PPP2R1A: variants seen among roughly 807,000 people sequenced by gnomAD.
The protein encoded by PPP2R1A is serine/threonine-protein phosphatase 2A 65 kDa regulatory subunit A alpha isoform.
A neutral mutation model predicts 67.1 loss-of-function variants in PPP2R1A; 15 were observed. That is an observed-to-expected ratio of 0.22 (90% CI 0.15 to 0.34). PPP2R1A has a LOEUF of 0.34. Among genes scored for constraint, PPP2R1A ranks in the 10% least tolerant of loss-of-function variants. PPP2R1A has a pLI of 1.00. For missense variants in PPP2R1A, 369 were observed against 775.0 expected (o/e 0.48, Z 6.22); for synonymous variants, 337 against 325.0 (o/e 1.04, Z -0.40).
rs2122352279 is a variant in PPP2R1A at position 52,216,966 on chromosome 19, G to A, written c.1128+303G>A. Among the ~76,000 whole-genome samples, 1 of 152,232 alleles carries A rather than the reference G, an allele frequency of 6.6e-6. No homozygotes were observed. On this transcript the variant is annotated intron_variant, in intron 9 of 14. Coordinates refer to ENST00000322088, the MANE Select transcript of PPP2R1A (RefSeq NM_014225.6). This position sits in a 1 kb window ranked among gnomAD's most constrained non-coding sequence, Gnocchi z 4.3. ...GCACTTTGGGAGGCTGAGGCGGGTG[G>A]ATCACCTGAGGTCAGGAGTTCGAGA...
Position 52,211,177 on chromosome 19 carries a change from C to A in PPP2R1A, c.271-83C>A. 1.5e-6 allele frequency: 2 copies of A among 1,325,818 alleles called. No individual in the cohort carries two copies. The highest frequency in any genetic ancestry group is 2.1e-6 in the Non-Finnish European group (2 of 951,228). The allele number at this position is 1,325,818 out of a possible 1,614,324, so 82.1% of individuals were successfully genotyped here. ...GGGAAGTTTTCTCTGAGGAGATGAG[C>A]CCATGATGGGGTGCAGGATGGGGCT... is the stretch of plus-strand genomic sequence containing the variant. On this transcript the variant is annotated intron_variant, in intron 3 of 14. Transcript: ENST00000322088. The surrounding 1 kb of genome is among the most constrained non-coding windows in gnomAD (Gnocchi z 5.3).
rs1468772394 is a variant in PPP2R1A at position 52,213,794 on chromosome 19, TTTAA to T, written c.807+689_807+692del. On this transcript the variant is annotated intron_variant, in intron 6 of 14. Transcript: ENST00000322088. The surrounding 1 kb of genome is among the most constrained non-coding windows in gnomAD (Gnocchi z 4.2). ...AGCCACCGCGCCCAGCCCCGGAAAGTTTAATTAACTGATCAGAGTGACACTACCA... is the reference window on the plus strand; with the variant it reads ...AGCCACCGCGCCCAGCCCCGGAAAGTTTAACTGATCAGAGTGACACTACCA... Among the ~76,000 whole-genome samples the T allele has an allele frequency of 6.6e-6, 1 of 151,934 alleles. No homozygotes were observed. The highest frequency in any genetic ancestry group is 1.5e-5 in the Non-Finnish European group (1 of 67,980).
At position 52,190,193 on chromosome 19, in the gene PPP2R1A, A is replaced by T. The variant is rs1352000967; in HGVS notation, c.78+19A>T. On this transcript the variant is annotated intron_variant, in intron 1 of 14. Transcript: ENST00000322088. ...CGTTCAGGTCCGGAGGCTACGGGGG[A>T]CTTGGGGAAGACGCGGAGGGGTACC... The T allele has an allele frequency of 1.4e-5, 21 of 1,549,072 alleles. No individual in the cohort carries two copies. Among genetic ancestry groups the T allele is most frequent in the Non-Finnish European group, 1.7e-5 (20 of 1,145,910 alleles).
rs749799092 is a variant in PPP2R1A at position 52,216,122 on chromosome 19, A to G, written c.993+48A>G. 1.9e-6 allele frequency: 3 copies of G among 1,570,606 alleles called. No homozygotes were observed. The South Asian group carries it at 3.3e-5, about 17-fold the overall frequency. The stretch of plus-strand genomic sequence containing the variant: ...GAACCAAGTGGATCCGAGCCTGCCA[A>G]AAAGAGGGGCTGGAGACAAGGCTTT... On this transcript the variant is annotated intron_variant, in intron 8 of 14. Coordinates refer to ENST00000322088, the MANE Select transcript of PPP2R1A (RefSeq NM_014225.6). This position sits in a 1 kb window ranked among gnomAD's most constrained non-coding sequence, Gnocchi z 4.3.
intron 13 of PPP2R1A, among the ~76,000 whole-genome samples, chr19:52,225,333 T>A (rs986455651): frequency 6.6e-6 from 1 of 152,142 alleles, no homozygotes; most frequent in Non-Finnish European, 1.5e-5. Context: ...GATTTTACTT[T>A]TAATTGACTC....
Position 52,213,932 on chromosome 19 carries a change from T to C in PPP2R1A, c.807+822T>C, listed in dbSNP as rs933351987. On this transcript the variant is annotated intron_variant, in intron 6 of 14. Coordinates refer to ENST00000322088, the MANE Select transcript of PPP2R1A (RefSeq NM_014225.6). The surrounding 1 kb of genome is among the most constrained non-coding windows in gnomAD (Gnocchi z 4.2). ...ACAAACATGTTTGCTGAGCACCAGC[T>C]ATTTGCTGGGCCAGTGAATTCGGAT... 9.2e-5 allele frequency among the ~76,000 whole-genome samples: 14 copies of C among 152,212 alleles called. No homozygotes were observed. Among genetic ancestry groups the C allele is most frequent in the Middle Eastern group, 6.8e-3 (2 of 294 alleles).
intron 6 of PPP2R1A, among the ~76,000 whole-genome samples, chr19:52,215,564 G>A (rs572234260): frequency 2.0e-3 from 311 of 152,256 alleles, no homozygotes; most frequent in Non-Finnish European, 3.8e-3. Flanking sequence ...AGGTGCCCTC[G>A]CAGTCCTCAT....
chr19:52,213,475 TTTTTTTTTTTTTA>T lies in PPP2R1A; in HGVS notation c.807+366_807+378del, dbSNP rs1388352148. Among the ~76,000 whole-genome samples, 24 of 120,466 alleles carry T rather than the reference TTTTTTTTTTTTTA, an allele frequency of 2.0e-4. No homozygotes were observed. The highest frequency in any genetic ancestry group is 2.9e-4 in the African/African-American group (8 of 27,208). The allele number at this position is 120,466 out of a possible 152,430, so 79.0% of individuals were successfully genotyped here. ...TTTTGGTGTTTTTTTTTTTTTTTTT[TTTTTTTTTTTTTA>T]AGATGGAGTCTGTCGCCCAGGCTAG... On this transcript the variant is annotated intron_variant, in intron 6 of 14. Transcript: ENST00000322088. This position sits in a 1 kb window ranked among gnomAD's most constrained non-coding sequence, Gnocchi z 4.2.
rs8100816 is a variant in PPP2R1A at position 52,220,963 on chromosome 19, C to A, written c.1364-16C>A. 7 of 1,613,652 alleles carry A rather than the reference C, an allele frequency of 4.3e-6. No homozygotes were observed. The African/African-American group carries it at 8.0e-5, about 18-fold the overall frequency. Reference sequence around the variant, plus strand: ...ACCTCCAAATCCCTGTCTCTCTCACCCTCACCCTTCTGCAGTATATGCCAT... The same window carrying A: ...ACCTCCAAATCCCTGTCTCTCTCACACTCACCCTTCTGCAGTATATGCCAT... On this transcript the variant is annotated splice_polypyrimidine_tract_variant and intron_variant, in intron 11 of 14. Transcript: ENST00000322088.
chr19:52,198,841 C>G (rs866637885), intron 1 of PPP2R1A, among the ~76,000 whole-genome samples: 1 of 152,230 alleles, frequency 6.6e-6, no homozygotes, highest in African/African-American at 2.4e-5. Context: ...ACGCTGCTAA[C>G]AATACATACC....
At chr19:52,205,165 G>T (rs2089589565) in intron 2 of PPP2R1A, among the ~76,000 whole-genome samples, 1 of 152,176 alleles carries the variant, frequency 6.6e-6, no homozygotes. Flanking sequence ...AATGCAGGAG[G>T]TTTAAGTGCC....
At chr19:52,203,275 G>A (rs1416292584) in intron 2 of PPP2R1A, among the ~76,000 whole-genome samples, 1 of 152,198 alleles carries the variant, frequency 6.6e-6, no homozygotes, top group East Asian at 1.9e-4. Context: ...TGCATGAAGA[G>A]TAGGTGTCTG....
At chr19:52,206,240 A>G (rs2089601072) in intron 3 of PPP2R1A, among the ~76,000 whole-genome samples, 177 bp downstream of exon 3, 1 of 152,182 alleles carries the variant, frequency 6.6e-6, no homozygotes, top group Non-Finnish European at 1.5e-5. Flanking sequence ...TCGTGAACTC[A>G]GGGTGCAGTT....
At chr19:52,192,615 G>GT (rs2089464887) in intron 1 of PPP2R1A, among the ~76,000 whole-genome samples, 1 of 152,002 alleles carries the variant, frequency 6.6e-6, no homozygotes, top group African/African-American at 2.4e-5. Flanking sequence ...TGCCCGGCCA[G>GT]TTTTTTGTTT....
intron 1 of PPP2R1A, among the ~76,000 whole-genome samples, chr19:52,195,524 G>A (rs936282577): frequency 6.6e-6 from 1 of 152,248 alleles, no homozygotes; most frequent in East Asian, 1.9e-4. Flanking sequence ...CAGGTTGAGG[G>A]CTCAGGCCTC....
chr19:52,190,222 G>A, intron 1 of PPP2R1A, 48 bp downstream of exon 1: 1 of 1,535,202 alleles, frequency 6.5e-7, no homozygotes, highest in Non-Finnish European at 8.8e-7. Context: ...GGGTACCTGG[G>A]GGCACGGGCG....
At position 52,206,024 on chromosome 19, in the gene PPP2R1A, T is replaced by C. The variant is rs371261424; in HGVS notation, c.231T>C (p.Thr77=). ...TGGCAGAACAGCTGGGAACCTTCAC[T>C]ACCCTGGTGGGAGGCCCAGAGTACG... The part of the protein sequence containing the change: ...LALAEQLGTF[T]TLVGGPEYVH... Residue 77 remains threonine, a synonymous_variant, in exon 3 of 15, where the codon ACT becomes ACC. Transcript: ENST00000322088. 8.1e-6 allele frequency: 13 copies of C among 1,614,014 alleles called. No individual in the cohort carries two copies. The highest frequency in any genetic ancestry group is 5.5e-5 in the South Asian group (5 of 91,094).
rs574457569 is a variant in PPP2R1A, at chr19:52,207,721, C to T, written c.270+1658C>T. 5.9e-5 allele frequency among the ~76,000 whole-genome samples: 9 copies of T among 152,274 alleles called. No individual in the cohort carries two copies. In the South Asian group the frequency reaches 1.9e-3, roughly 32 times the overall value. ...GTATACTGATGTTAGCTGTATTGCC[C>T]AGATGAGGAAACTGAGGCACAGGCA... On this transcript the variant is annotated intron_variant, in intron 3 of 14. Coordinates refer to ENST00000322088, the MANE Select transcript of PPP2R1A (RefSeq NM_014225.6).
intron 14 of PPP2R1A, 38 bp downstream of exon 14, chr19:52,225,846 G>A: frequency 1.3e-5 from 21 of 1,611,834 alleles, no homozygotes; most frequent in Non-Finnish European, 1.8e-5. Flanking sequence ...GCAGGAGGGT[G>A]GACTTTGAGG....
Sources: gnomAD v4.1 joint callset for allele counts (sites outside exome capture counted in the v4.1 genomes callset) on GRCh38, gnomAD v4.1.1 for gene constraint, Gnocchi (gnomAD v3.1) non-coding constraint, MANE v1.5 for transcripts, NCBI Gene and HGNC (gene_info 2026-07-23, HGNC 2026-07-21) for gene names.